The following PCDH15 variants were observed in gnomAD, a reference collection of about 807,000 sequenced individuals.
PCDH15 encodes the protein protocadherin-15.
In PCDH15, 129 loss-of-function variants were observed where a neutral mutation model predicts 178.5. The observed-to-expected ratio is 0.72, with a 90% CI of 0.63 to 0.84. The LOEUF is 0.84. Among genes scored for constraint, PCDH15 ranks in the 40% least tolerant of loss-of-function variants. The probability of loss-of-function intolerance (pLI) is 0.00; values close to 1 mark genes in which losing one functional copy is unlikely to be tolerated. For missense variants in PCDH15, 2,230 were observed against 2,099.9 expected, an observed-to-expected ratio of 1.06 and a Z score of -1.21; for synonymous variants, 800 against 732.0, an observed-to-expected ratio of 1.09 and a Z score of -1.50.
intron 3 of PCDH15, among the ~76,000 whole-genome samples, chr10:54,504,535 T>C (rs2081004044): frequency 6.6e-6 from 1 of 152,118 alleles, no homozygotes; most frequent in African/African-American, 2.4e-5. Context: ...AAGCGTAACC[T>C]CTTGAAGGGT....
intron 8 of PCDH15, among the ~76,000 whole-genome samples, chr10:54,257,403 C>CTTCT (rs1554862389): frequency 7.1e-5 from 9 of 126,024 alleles, no homozygotes; most frequent in South Asian, 2.5e-4. Flanking sequence ...GAATTGTCTT[C>CTTCT]TTTTTTTTTT....
intron 3 of PCDH15, among the ~76,000 whole-genome samples, chr10:54,474,533 C>T (rs2078140871): frequency 6.6e-6 from 1 of 151,856 alleles, no homozygotes; most frequent in African/African-American, 2.4e-5. Flanking sequence ...GTAGTACTCC[C>T]TAAGGATAGG....
intron 2 of PCDH15, among the ~76,000 whole-genome samples, chr10:55,625,513 AT>A (rs1317719007): frequency 6.6e-6 from 1 of 152,286 alleles, no homozygotes; most frequent in Non-Finnish European, 1.5e-5. Context: ...TTGAAACAGT[AT>A]CTTGTGTGTT....
At chr10:54,299,257 G>A (rs924905764) in intron 8 of PCDH15, among the ~76,000 whole-genome samples, 1 of 151,704 alleles carries the variant, frequency 6.6e-6, no homozygotes, top group African/African-American at 2.4e-5. Context: ...GTGAGAGAGA[G>A]GAAGAGACAG....
chr10:54,157,267 C>T (rs2045252978), intron 13 of PCDH15, among the ~76,000 whole-genome samples: 1 of 152,244 alleles, frequency 6.6e-6, no homozygotes, highest in African/African-American at 2.4e-5. Flanking sequence ...CCTCAGCAAA[C>T]TTTTGTCTGG....
intron 2 of PCDH15, among the ~76,000 whole-genome samples, chr10:55,007,595 TA>T (rs1839963008): frequency 1.3e-5 from 2 of 152,158 alleles, no homozygotes; most frequent in African/African-American, 4.8e-5. Flanking sequence ...CTATATTGTA[TA>T]TTGTTCTTTT....
rs372755204 is a variant in PCDH15, at chr10:54,261,987, C to T, written c.877-25056G>A. On this transcript the variant is annotated intron_variant, in intron 8 of 37. Transcript: ENST00000644397. ...GCAGTCTGCTCAGAGTCACTAGACA[C>T]CAGGACTGGCCCATATACCTTGAAC... Among the ~76,000 whole-genome samples, 355 of 152,238 alleles carry T rather than the reference C, an allele frequency of 2.3e-3. 1 individual carries two copies. The highest frequency in any genetic ancestry group is 8.0e-3 in the African/African-American group (334 of 41,536).
chr10:55,230,923 A>G (rs1841197986), intron 1 of PCDH15, among the ~76,000 whole-genome samples: 1 of 152,062 alleles, frequency 6.6e-6, no homozygotes, highest in South Asian at 2.1e-4. Flanking sequence ...TAAATGCCCA[A>G]CCAGATATTT....
chr10:53,980,793 C>T (rs915505188), intron 21 of PCDH15, among the ~76,000 whole-genome samples: 1 of 152,174 alleles, frequency 6.6e-6, no homozygotes, highest in Non-Finnish European at 1.5e-5. Context: ...TTTTCATATA[C>T]TCTAGAGTGC....
intron 8 of PCDH15, among the ~76,000 whole-genome samples, chr10:54,313,343 G>A (rs857375): frequency 0.014 from 2,059 of 152,128 alleles, 46 homozygotes; most frequent in African/African-American, 0.044. Context: ...TCTGAAGACT[G>A]AATAAGTTTT....
intron 1 of PCDH15, among the ~76,000 whole-genome samples, chr10:54,675,348 C>G (rs1050637194): frequency 6.6e-6 from 1 of 151,532 alleles, no homozygotes; most frequent in Non-Finnish European, 1.5e-5. Context: ...ATTAATTTTC[C>G]AAAAGTCAAT....
At chr10:54,788,998 T>C (rs1951146958) in intron 1 of PCDH15, among the ~76,000 whole-genome samples, 1 of 151,834 alleles carries the variant, frequency 6.6e-6, no homozygotes, top group African/African-American at 2.4e-5. Flanking sequence ...ATATTCCCCA[T>C]GAGAATAATA....
Position 53,828,554 on chromosome 10 carries a change from A to G in PCDH15, c.4211+11T>C. 6.4e-7 allele frequency: 1 copy of G among 1,552,648 alleles called. No homozygotes were observed. Among genetic ancestry groups the G allele is most frequent in the East Asian group, 2.3e-5 (1 of 44,434 alleles). On this transcript the variant is annotated intron_variant, in intron 31 of 37. Coordinates refer to ENST00000644397, the MANE Select transcript of PCDH15 (RefSeq NM_001384140.1). Reference sequence around the variant, plus strand: ...CATGAAAAGGATGTGTAAAATGTTAATTATACTTACACTTTAAACCTGTTT... The same window carrying G: ...CATGAAAAGGATGTGTAAAATGTTAGTTATACTTACACTTTAAACCTGTTT...
intron 2 of PCDH15, among the ~76,000 whole-genome samples, chr10:55,378,208 A>C (rs2131997662): frequency 6.6e-6 from 1 of 152,260 alleles, no homozygotes; most frequent in African/African-American, 2.4e-5. Flanking sequence ...AAAGTATAAT[A>C]ATAATAAAAG....
At chr10:54,250,457 G>A (rs549401758) in intron 8 of PCDH15, among the ~76,000 whole-genome samples, 3 of 150,362 alleles carry the variant, frequency 2.0e-5, no homozygotes, top group African/African-American at 7.3e-5. Flanking sequence ...TAATTTTTTC[G>A]TATTTTTAGT....
chr10:54,267,853 C>T (rs56082616), intron 8 of PCDH15, among the ~76,000 whole-genome samples: 2 of 151,554 alleles, frequency 1.3e-5, no homozygotes, highest in Non-Finnish European at 3.0e-5. Flanking sequence ...CTTTACTGCC[C>T]GAAGCAATCT....
chr10:54,470,937 C>G (rs2077876620), intron 3 of PCDH15, among the ~76,000 whole-genome samples: 1 of 152,040 alleles, frequency 6.6e-6, no homozygotes, highest in Non-Finnish European at 1.5e-5. Flanking sequence ...ATTCACTGAT[C>G]AGGTACAAAG....
intron 2 of PCDH15, among the ~76,000 whole-genome samples, chr10:54,953,570 T>C (rs1462676604): frequency 6.6e-6 from 1 of 151,428 alleles, no homozygotes; most frequent in Non-Finnish European, 1.5e-5. Flanking sequence ...TAGCATTATT[T>C]TTTTCATTCA....
intron 5 of PCDH15, among the ~76,000 whole-genome samples, chr10:54,351,958 T>C (rs1944252425): frequency 6.6e-6 from 1 of 152,164 alleles, no homozygotes; most frequent in Admixed American, 6.5e-5. Flanking sequence ...TGCTGTTCAC[T>C]TGGAATAAAA....
Sources: gnomAD v4.1 joint callset for allele counts (sites outside exome capture counted in the v4.1 genomes callset) on GRCh38, gnomAD v4.1.1 for gene constraint, MANE v1.5 for transcripts, NCBI Gene and HGNC (gene_info 2026-07-23, HGNC 2026-07-21) for gene names.